NBAS: variants seen among roughly 807,000 people sequenced by gnomAD.
NBAS encodes the protein NAG/BC035112 fusion.
NBAS carries 219 observed loss-of-function variants against 302.5 expected under a neutral mutation model. The observed-to-expected ratio is 0.72, with a 90% CI of 0.65 to 0.81. The LOEUF (loss-of-function observed/expected upper bound fraction) is 0.81, where lower values mean the gene tolerates loss of function less well. Ranked by LOEUF, NBAS falls within the 30% of genes least tolerant of loss-of-function variation. NBAS has a pLI of 0.00. For synonymous variants in NBAS, 1,118 were observed against 1,021.6 expected (o/e 1.09, Z -1.80); for missense variants, 2,932 against 2,841.6 (o/e 1.03, Z -0.72).
the NBAS span, among the ~76,000 whole-genome samples, chr2:14,836,346 T>C: frequency 6.6e-6 from 1 of 151,896 alleles, no homozygotes; most frequent in Non-Finnish European, 1.5e-5. Context: ...GTGTCTAGGT[T>C]TTTTTAAATA....
chr2:15,404,533 G>A (rs1676314398), intron 25 of NBAS, among the ~76,000 whole-genome samples: 1 of 148,042 alleles, frequency 6.8e-6, no homozygotes, highest in Non-Finnish European at 1.5e-5. Context: ...TTTATTTTGA[G>A]ACAGAGTCTC....
At chr2:15,254,629 T>C (rs1057000935) in intron 44 of NBAS, among the ~76,000 whole-genome samples, 4 of 152,188 alleles carry the variant, frequency 2.6e-5, no homozygotes, top group African/African-American at 9.7e-5. Flanking sequence ...TTCTGATATT[T>C]TGGTGTACCC....
chr2:15,503,441 G>A (rs1661680062), intron 11 of NBAS, among the ~76,000 whole-genome samples: 2 of 152,130 alleles, frequency 1.3e-5, no homozygotes, highest in Non-Finnish European at 1.5e-5. Context: ...CTGAAGCAGT[G>A]AAAAAGATTA....
chr2:15,041,342 C>T, the NBAS span, among the ~76,000 whole-genome samples: 1 of 152,356 alleles, frequency 6.6e-6, no homozygotes, highest in African/African-American at 2.4e-5. Flanking sequence ...CCAGGGCCAA[C>T]AACTGCAAAT....
chr2:14,900,951 C>T, the NBAS span, among the ~76,000 whole-genome samples: 1 of 152,152 alleles, frequency 6.6e-6, no homozygotes, highest in Non-Finnish European at 1.5e-5. Flanking sequence ...GTTTGTAATT[C>T]CATATGGCTA....
chr2:15,480,212 A>C (rs545827503), intron 12 of NBAS, among the ~76,000 whole-genome samples: 3 of 152,192 alleles, frequency 2.0e-5, no homozygotes, highest in African/African-American at 7.2e-5. Flanking sequence ...ACAGTGGCAC[A>C]CTTCTGTAGC....
chr2:15,038,909 A>G, the NBAS span, among the ~76,000 whole-genome samples: 1 of 152,218 alleles, frequency 6.6e-6, no homozygotes, highest in African/African-American at 2.4e-5. Context: ...AAATTTTACC[A>G]AAAGATGTAA....
At chr2:15,307,363 T>C (rs1183444797) in intron 40 of NBAS, among the ~76,000 whole-genome samples, 1 of 152,196 alleles carries the variant, frequency 6.6e-6, no homozygotes, top group Non-Finnish European at 1.5e-5. Flanking sequence ...GTACATGCTT[T>C]GGGACTTTTC....
the NBAS span, among the ~76,000 whole-genome samples, chr2:14,857,180 C>T: frequency 6.6e-6 from 1 of 151,592 alleles, no homozygotes; most frequent in African/African-American, 2.4e-5. Context: ...AAGAGGACAC[C>T]AAAAAATGGA....
At chr2:15,219,898 C>T (rs1340464699) in intron 47 of NBAS, among the ~76,000 whole-genome samples, 14 of 135,408 alleles carry the variant, frequency 1.0e-4, no homozygotes, top group South Asian at 9.8e-4. Context: ...CCAGTAGGGG[C>T]GGCCGGGCAG....
chr2:15,528,313 C>T (rs541853751), intron 9 of NBAS, among the ~76,000 whole-genome samples: 6 of 151,312 alleles, frequency 4.0e-5, no homozygotes, highest in Non-Finnish European at 5.9e-5. Flanking sequence ...CCCTTTAAGG[C>T]GCTTATTTTC....
the NBAS span, among the ~76,000 whole-genome samples, chr2:15,124,731 G>A: frequency 7.6e-3 from 1,153 of 152,294 alleles, 14 homozygotes; most frequent in East Asian, 0.01. Context: ...CTTGGACTGC[G>A]ACTCTGGAGG....
chr2:14,797,183 G>T, the NBAS span, among the ~76,000 whole-genome samples: 1 of 151,824 alleles, frequency 6.6e-6, no homozygotes, highest in Admixed American at 6.6e-5. Context: ...ACCCACCTTC[G>T]GGTAGGCGTT....
In NBAS at chr2:15,309,314, A is replaced by T. The variant is rs1572631923; in HGVS notation, c.4583-67T>A. 2.5e-5 allele frequency: 33 copies of T among 1,330,976 alleles called. No homozygotes were observed. The East Asian group carries it at 8.3e-4, about 33-fold the overall frequency. 82.4% of individuals were successfully genotyped at this position (1,330,976 alleles called of 1,614,324 possible). A position where few individuals can be genotyped will look rare whatever the true frequency, so the allele number is the denominator to read the frequency against. On this transcript the variant is annotated intron_variant, in intron 38 of 51. Transcript: ENST00000281513. ...ATGATATTCATAGTTATTAAATGCC[A>T]TGTTTTCAGCCCCATAAGATTTCAA...
chr2:15,559,062 C>CAAAAAAAAAAAAAA (rs70961421), intron 1 of NBAS, among the ~76,000 whole-genome samples: 8 of 50,416 alleles, frequency 1.6e-4, no homozygotes, highest in Non-Finnish European at 1.4e-4. Context: ...GACCCTGCCT[C>CAAAAAAAAAAAAAA]AAAAAAAAAA....
chr2:15,543,363 C>A (rs1262007605), intron 6 of NBAS, among the ~76,000 whole-genome samples: 1 of 152,150 alleles, frequency 6.6e-6, no homozygotes, highest in Non-Finnish European at 1.5e-5. Context: ...CATTCTGTGA[C>A]CACCCTAAGT....
At chr2:14,781,655 G>C in the NBAS span, among the ~76,000 whole-genome samples, 94 of 151,320 alleles carry the variant, frequency 6.2e-4, no homozygotes, top group South Asian at 4.2e-3. Flanking sequence ...AACCAGACTG[G>C]GGCCCCTCAT....
the NBAS span, among the ~76,000 whole-genome samples, chr2:15,129,417 C>T: frequency 6.6e-6 from 1 of 152,190 alleles, no homozygotes; most frequent in African/African-American, 2.4e-5. Context: ...GGGCTCAGGA[C>T]AGTCACCGGA....
chr2:15,446,486 C>A (rs1678748977), intron 21 of NBAS, among the ~76,000 whole-genome samples: 2 of 152,066 alleles, frequency 1.3e-5, no homozygotes, highest in Admixed American at 1.3e-4. Context: ...AAAGATTTCT[C>A]CCCATCCATA....
Sources: gnomAD v4.1 joint callset for allele counts (sites outside exome capture counted in the v4.1 genomes callset) on GRCh38, gnomAD v4.1.1 for gene constraint, MANE v1.5 for transcripts, NCBI Gene and HGNC (gene_info 2026-07-23, HGNC 2026-07-21) for gene names.